Variants in NEURL1 observed in about 807,000 individuals in gnomAD.
The protein encoded by NEURL1 is E3 ubiquitin-protein ligase NEURL1.
NEURL1 carries 26 observed loss-of-function variants against 41.2 expected under a neutral mutation model. That is an observed-to-expected ratio of 0.63 (90% CI 0.46 to 0.87). The LOEUF is 0.87. Ranked by LOEUF, NEURL1 falls within the 40% of genes least tolerant of loss-of-function variation. The probability of loss-of-function intolerance (pLI) is 0.00; values close to 1 mark genes in which losing one functional copy is unlikely to be tolerated. For missense variants in NEURL1, 761 were observed against 871.1 expected, an observed-to-expected ratio of 0.87 and a Z score of 1.59; for synonymous variants, 400 against 402.3, an observed-to-expected ratio of 0.99 and a Z score of 0.07.
intron 1 of NEURL1, among the ~76,000 whole-genome samples, chr10:103,534,559 C>G (rs73341524): frequency 0.038 from 5,712 of 152,242 alleles, 357 homozygotes; most frequent in African/African-American, 0.13. Flanking sequence ...ACCCCCGTGG[C>G]CTAGGCTGTA....
In NEURL1 at chr10:103,555,536, G is replaced by T. The variant is rs2035133730; in HGVS notation, c.86-15336G>T. 31 of 803,624 alleles carry T rather than the reference G, an allele frequency of 3.9e-5. 1 individual carries two copies. In the South Asian group the frequency reaches 5.5e-4, roughly 14 times the overall value. 49.8% of individuals were successfully genotyped at this position (803,624 alleles called of 1,614,324 possible). A position where few individuals can be genotyped will look rare whatever the true frequency, so the allele number is the denominator to read the frequency against. ...CCCCTACTTCTCACTCCATGGAGGGGTCTGGGGCTGTGTGGGGGCACCTTT... is the reference window on the plus strand; with the variant it reads ...CCCCTACTTCTCACTCCATGGAGGGTTCTGGGGCTGTGTGGGGGCACCTTT... On this transcript the variant is annotated intron_variant, in intron 1 of 5. Coordinates refer to ENST00000369780, the MANE Select transcript of NEURL1 (RefSeq NM_004210.5).
intron 1 of NEURL1, among the ~76,000 whole-genome samples, chr10:103,524,289 TTTTG>T (rs768955470): frequency 4.6e-5 from 7 of 152,204 alleles, no homozygotes; most frequent in Non-Finnish European, 7.4e-5. Context: ...ATTGGAGGAT[TTTTG>T]TTTGTTTTTT....
intron 1 of NEURL1, among the ~76,000 whole-genome samples, chr10:103,505,741 A>T (rs952724742): frequency 6.6e-6 from 1 of 152,220 alleles, no homozygotes; most frequent in African/African-American, 2.4e-5. Flanking sequence ...TGGAGGCCAC[A>T]TGAAGGGTGT....
chr10:103,531,632 C>CA (rs372247682), intron 1 of NEURL1, among the ~76,000 whole-genome samples: 641 of 151,494 alleles, frequency 4.2e-3, no homozygotes, highest in Non-Finnish European at 7.3e-3. Context: ...TCCTTGGGCT[C>CA]AAGTGATCCT....
At chr10:103,518,005 G>C (rs1404188410) in intron 1 of NEURL1, among the ~76,000 whole-genome samples, 1 of 152,164 alleles carries the variant, frequency 6.6e-6, no homozygotes, top group Non-Finnish European at 1.5e-5. Context: ...TATCCTTTAT[G>C]TCTCTTGAGG....
intron 4 of NEURL1, among the ~76,000 whole-genome samples, chr10:103,586,126 AAAG>A (rs2035919242): frequency 2.0e-5 from 3 of 152,072 alleles, no homozygotes; most frequent in Non-Finnish European, 2.9e-5. Context: ...TGAGTTAAGA[AAAG>A]AAGGGAGGAA....
intron 1 of NEURL1, among the ~76,000 whole-genome samples, chr10:103,501,881 G>A (rs1249633900): frequency 6.6e-6 from 1 of 152,050 alleles, no homozygotes; most frequent in Non-Finnish European, 1.5e-5. Flanking sequence ...AGGTCTGCCC[G>A]TCTCGGCCTC....
In NEURL1 at chr10:103,497,018, C is replaced by T. The variant is rs546585401; in HGVS notation, c.85+2546C>T. 7.9e-5 allele frequency among the ~76,000 whole-genome samples: 12 copies of T among 152,266 alleles called. No homozygotes were observed. In the East Asian group the frequency reaches 2.1e-3, roughly 27 times the overall value. The stretch of plus-strand genomic sequence containing the variant: ...GACCATGGGAATTTTGATCCCGCCC[C>T]TACTAAGCCTGAAATGAAGGACAGA... On this transcript the variant is annotated intron_variant, in intron 1 of 5. Coordinates refer to ENST00000369780, the MANE Select transcript of NEURL1 (RefSeq NM_004210.5).
chr10:103,505,954 T>C (rs2133846701), intron 1 of NEURL1, among the ~76,000 whole-genome samples: 1 of 152,246 alleles, frequency 6.6e-6, no homozygotes, highest in East Asian at 1.9e-4. Context: ...TCACAGACTG[T>C]GTGGGGACAG....
chr10:103,554,428 T>C (rs2035102203), intron 1 of NEURL1, among the ~76,000 whole-genome samples: 1 of 152,158 alleles, frequency 6.6e-6, no homozygotes, highest in Admixed American at 6.5e-5. Flanking sequence ...TTGTGTGACA[T>C]GATGCAGAAG....
Position 103,590,289 on chromosome 10 carries a change from C to T in NEURL1, c.1642C>T (p.Arg548Cys), listed in dbSNP as rs746290099. 14 of 1,614,104 alleles carry T rather than the reference C, an allele frequency of 8.7e-6. No homozygotes were observed. In the South Asian group the frequency reaches 8.8e-5, roughly 10 times the overall value. ...HMCLCYACGLRLKKALHACCP... is the reference protein window; with the variant it reads ...HMCLCYACGLCLKKALHACCP... The stretch of plus-strand genomic sequence containing the variant: ...GTGCCTCTGCTACGCCTGTGGCCTG[C>T]GCCTCAAGAAGGCTCTGCACGCCTG... Residue 548 changes from arginine to cysteine, a missense_variant, in exon 6 of 6, where the codon CGC becomes TGC. By Grantham distance (180) the Arg-to-Cys change is radical. Coordinates refer to ENST00000369780, the MANE Select transcript of NEURL1 (RefSeq NM_004210.5).
chr10:103,584,552 C>T lies in NEURL1; in HGVS notation c.666C>T (p.Leu222=). 2 of 1,406,302 alleles carry T rather than the reference C, an allele frequency of 1.4e-6. No individual in the cohort carries two copies. The highest frequency in any genetic ancestry group is 9.2e-7 in the Non-Finnish European group (1 of 1,086,408). The allele number at this position is 1,406,302 out of a possible 1,614,324, so 87.1% of individuals were successfully genotyped here. A position where few individuals can be genotyped will look rare whatever the true frequency, so the allele number is the denominator to read the frequency against. Residue 222 remains leucine, a synonymous_variant, in exon 4 of 6, where the codon CTC becomes CTT. Coordinates refer to ENST00000369780, the MANE Select transcript of NEURL1 (RefSeq NM_004210.5). ...GVQLLDSELV[L]PDCLRPRSFT... ...CCCGCGCAGATAGCGAGCTGGTGCT[C>T]CCGGACTGTCTGCGGCCGCGCTCCT...
chr10:103,576,573 A>C (rs1396312208), intron 3 of NEURL1, among the ~76,000 whole-genome samples: 4 of 152,076 alleles, frequency 2.6e-5, no homozygotes, highest in African/African-American at 4.8e-5. Flanking sequence ...AGATGGGGAG[A>C]GGCCTGCCCA....
In NEURL1 at chr10:103,584,776, A is replaced by G. The variant is rs1359473572; in HGVS notation, c.890A>G (p.His297Arg). ...CAGCTCGACGGCGACCTGCGTTTCC[A>G]CGCCCTGCGCGCCGGCGCGCACGTC... ...PAQLDGDLRFHALRAGAHVRI... is the reference protein window; with the variant it reads ...PAQLDGDLRFRALRAGAHVRI... Residue 297 changes from histidine to arginine, a missense_variant, in exon 4 of 6, where the codon CAC becomes CGC. Coordinates refer to ENST00000369780, the MANE Select transcript of NEURL1 (RefSeq NM_004210.5). 8 of 777,918 alleles carry G rather than the reference A, an allele frequency of 1.0e-5. No individual in the cohort carries two copies. Among genetic ancestry groups the G allele is most frequent in the African/African-American group, 2.0e-5 (1 of 49,258 alleles). 48.2% of individuals were successfully genotyped at this position (777,918 alleles called of 1,614,324 possible).
intron 1 of NEURL1, among the ~76,000 whole-genome samples, chr10:103,547,451 G>A (rs1344406572): frequency 1.3e-5 from 2 of 152,232 alleles, no homozygotes; most frequent in African/African-American, 4.8e-5. Context: ...AGCAGGCAGG[G>A]GCAGGGCCAG....
intron 1 of NEURL1, among the ~76,000 whole-genome samples, chr10:103,516,532 A>G (rs551355828): frequency 2.7e-4 from 41 of 152,182 alleles, no homozygotes; most frequent in African/African-American, 9.2e-4. Flanking sequence ...CAGGGCCACA[A>G]TGAGTTGTCA....
At chr10:103,523,131 G>A (rs2034390471) in intron 1 of NEURL1, among the ~76,000 whole-genome samples, 1 of 151,980 alleles carries the variant, frequency 6.6e-6, no homozygotes, top group Non-Finnish European at 1.5e-5. Flanking sequence ...TTTGTGCTGG[G>A]AACATTCAAA....
chr10:103,569,121 T>C (rs1025540733), intron 1 of NEURL1, among the ~76,000 whole-genome samples: 2 of 152,248 alleles, frequency 1.3e-5, no homozygotes, highest in East Asian at 1.9e-4. Context: ...GGGCCACTTA[T>C]CTGCTTTTGA....
At chr10:103,560,257 C>G (rs1308362961) in intron 1 of NEURL1, among the ~76,000 whole-genome samples, 3 of 152,196 alleles carry the variant, frequency 2.0e-5, no homozygotes, top group African/African-American at 7.2e-5. Flanking sequence ...CAGGCCTGGC[C>G]TGGGGGGCTG....
Sources: allele counts gnomAD v4.1 joint callset (sites outside exome capture counted in the v4.1 genomes callset), GRCh38; gene constraint gnomAD v4.1.1; transcripts MANE v1.5; gene names NCBI Gene and HGNC (gene_info 2026-07-23, HGNC 2026-07-21).